VTI1A: variants seen among roughly 807,000 people sequenced by gnomAD.
VTI1A encodes vesicle transport through interaction with t-SNAREs 1A, also known as vesicle transport through interaction with t-SNAREs homolog 1A.
Under a neutral mutation model 34.9 loss-of-function variants are expected in VTI1A, and 22 were observed. The ratio of observed to expected loss-of-function variants is 0.63; its 90% confidence interval spans 0.45 to 0.90. The LOEUF (loss-of-function observed/expected upper bound fraction) is 0.90, where lower values mean the gene tolerates loss of function less well. Ranked by LOEUF, VTI1A falls within the 40% of genes least tolerant of loss-of-function variation. The pLI, the probability that VTI1A is intolerant of heterozygous loss-of-function variation, is 0.00. For synonymous variants in VTI1A, 87 were observed against 97.3 expected (o/e 0.89, Z 0.62); for missense variants, 268 against 275.6 (o/e 0.97, Z 0.20).
chr10:112,830,582 A>T, the VTI1A span, among the ~76,000 whole-genome samples: 174 of 150,562 alleles, frequency 1.2e-3, 1 homozygote, highest in South Asian at 0.017. Flanking sequence ...TCCTGTGTTT[A>T]TTCTTTCGTG....
At chr10:112,690,045 C>T (rs1246039133) in intron 7 of VTI1A, among the ~76,000 whole-genome samples, 1 of 152,090 alleles carries the variant, frequency 6.6e-6, no homozygotes, top group Non-Finnish European at 1.5e-5. Flanking sequence ...TGACTTCTTT[C>T]ATTTGCATAG....
chr10:112,540,489 T>G (rs972605060), intron 5 of VTI1A, among the ~76,000 whole-genome samples: 7 of 152,230 alleles, frequency 4.6e-5, no homozygotes, highest in African/African-American at 1.7e-4. Context: ...ATGGGCTTTG[T>G]GGAAGTAAAG....
intron 7 of VTI1A, among the ~76,000 whole-genome samples, chr10:112,766,097 A>G (rs183413376): frequency 3.6e-4 from 55 of 152,306 alleles, no homozygotes; most frequent in African/African-American, 1.3e-3. Flanking sequence ...AAGAGAAAGG[A>G]GAGAGTGGTA....
chr10:112,626,903 G>T (rs1470750604), intron 5 of VTI1A, among the ~76,000 whole-genome samples: 1 of 152,186 alleles, frequency 6.6e-6, no homozygotes, highest in African/African-American at 2.4e-5. Context: ...TCACTTCCAA[G>T]ATATTTTGTT....
chr10:112,616,910 T>C (rs528160232), intron 5 of VTI1A, among the ~76,000 whole-genome samples: 10 of 152,238 alleles, frequency 6.6e-5, no homozygotes, highest in Non-Finnish European at 1.2e-4. Context: ...TGTTGAGACA[T>C]GTAGGATACA....
At chr10:112,845,721 A>G in the VTI1A span, among the ~76,000 whole-genome samples, 2,317 of 152,158 alleles carry the variant, frequency 0.015, 76 homozygotes, top group African/African-American at 0.054. Flanking sequence ...TGATGACCAA[A>G]AGACAAAAGT....
At chr10:112,685,747 C>T (rs1274654795) in intron 7 of VTI1A, among the ~76,000 whole-genome samples, 4 of 152,066 alleles carry the variant, frequency 2.6e-5, no homozygotes, top group Admixed American at 6.6e-5. Context: ...CTTTTCAAAA[C>T]GACTTCTTGA....
chr10:112,619,334 C>T (rs1845641374), intron 5 of VTI1A, among the ~76,000 whole-genome samples: 1 of 151,934 alleles, frequency 6.6e-6, no homozygotes. Flanking sequence ...AACCCAGGTA[C>T]CTGTAAGCAC....
chr10:112,563,567 C>A (rs550092499), intron 5 of VTI1A, among the ~76,000 whole-genome samples: 1 of 152,192 alleles, frequency 6.6e-6, no homozygotes, highest in East Asian at 1.9e-4. Flanking sequence ...ATTGACCATT[C>A]GACTTGCGAG....
At chr10:112,833,442 A>G in the VTI1A span, among the ~76,000 whole-genome samples, 1 of 151,962 alleles carries the variant, frequency 6.6e-6, no homozygotes, top group African/African-American at 2.4e-5. Flanking sequence ...AGAGGAGTGA[A>G]TCGGAGACTA....
At chr10:112,510,394 G>A (rs1849565807) in intron 3 of VTI1A, among the ~76,000 whole-genome samples, 1 of 152,154 alleles carries the variant, frequency 6.6e-6, no homozygotes, top group Non-Finnish European at 1.5e-5. Context: ...CAGCATTTCG[G>A]GAGGCTGAGA....
At chr10:112,781,481 GC>G (rs1185590095) in intron 7 of VTI1A, among the ~76,000 whole-genome samples, 6 of 152,258 alleles carry the variant, frequency 3.9e-5, no homozygotes, top group Non-Finnish European at 8.8e-5. Flanking sequence ...GGCAGTTTCT[GC>G]CTGAGGTGGG....
At chr10:112,735,523 T>C (rs1336539000) in intron 7 of VTI1A, among the ~76,000 whole-genome samples, 2 of 152,266 alleles carry the variant, frequency 1.3e-5, no homozygotes, top group Admixed American at 6.5e-5. Context: ...AACACTCTGC[T>C]GAGGCATTGT....
At chr10:112,604,626 C>T (rs1038104822) in intron 5 of VTI1A, among the ~76,000 whole-genome samples, 29 of 152,326 alleles carry the variant, frequency 1.9e-4, no homozygotes, top group African/African-American at 6.7e-4. Flanking sequence ...CTACACATCA[C>T]CTCTTTCTCA....
chr10:112,582,513 C>G (rs932435201), intron 5 of VTI1A, among the ~76,000 whole-genome samples: 43 of 152,240 alleles, frequency 2.8e-4, no homozygotes, highest in African/African-American at 1.0e-3. Context: ...AGCCCTTCTC[C>G]AGATCTCATG....
the VTI1A span, among the ~76,000 whole-genome samples, chr10:112,852,673 C>A: frequency 6.6e-6 from 1 of 152,234 alleles, no homozygotes; most frequent in Non-Finnish European, 1.5e-5. Flanking sequence ...TGCAGTGTCC[C>A]CTCCTTTGCT....
At chr10:112,545,705 C>G (rs897823845) in intron 5 of VTI1A, among the ~76,000 whole-genome samples, 1 of 152,162 alleles carries the variant, frequency 6.6e-6, no homozygotes, top group Non-Finnish European at 1.5e-5. Context: ...TGCATTTTAA[C>G]AAGATCAGCT....
chr10:112,736,559 T>C (rs1406842710), intron 7 of VTI1A, among the ~76,000 whole-genome samples: 1 of 152,030 alleles, frequency 6.6e-6, no homozygotes, highest in Non-Finnish European at 1.5e-5. Flanking sequence ...AAGATAGAAA[T>C]TGAATGCAAG....
Position 112,497,272 on chromosome 10 carries a change from C to T in VTI1A, c.265-29815C>T, listed in dbSNP as rs181003605. 3.6e-3 allele frequency among the ~76,000 whole-genome samples: 543 copies of T among 151,782 alleles called. 2 individuals carry two copies. Among genetic ancestry groups the T allele is most frequent in the African/African-American group, 0.012 (512 of 41,326 alleles). On this transcript the variant is annotated intron_variant, in intron 3 of 7. Transcript: ENST00000393077. ...GGTGGAGGTTGCAGTGAGCTGAGAT[C>T]GTGCTACTGCACTCCAGCCTGGGTG...
Sources: allele counts gnomAD v4.1 joint callset (sites outside exome capture counted in the v4.1 genomes callset), GRCh38; gene constraint gnomAD v4.1.1; transcripts MANE v1.5; gene names NCBI Gene and HGNC (gene_info 2026-07-23, HGNC 2026-07-21).